CRY1: variants seen among roughly 807,000 people sequenced by gnomAD.
CRY1 encodes cryptochrome-1.
A neutral mutation model predicts 76.0 loss-of-function variants in CRY1; 45 were observed. The observed-to-expected ratio is 0.59, with a 90% CI of 0.47 to 0.76. CRY1 has a LOEUF of 0.76. Among genes scored for constraint, CRY1 ranks in the 30% least tolerant of loss-of-function variants. The pLI is 0.00. For missense variants in CRY1, 587 were observed against 716.4 expected, an observed-to-expected ratio of 0.82 and a Z score of 2.06; for synonymous variants, 248 against 244.0, an observed-to-expected ratio of 1.02 and a Z score of -0.15.
chr12:107,038,691 T>A (rs1442628633), intron 1 of CRY1, among the ~76,000 whole-genome samples: 1 of 152,204 alleles, frequency 6.6e-6, no homozygotes, highest in Non-Finnish European at 1.5e-5. Flanking sequence ...GTCCTGGACT[T>A]TCCTTTCATC....
chr12:107,080,873 G>A (rs182101155), intron 1 of CRY1, among the ~76,000 whole-genome samples: 3 of 152,146 alleles, frequency 2.0e-5, no homozygotes, highest in Non-Finnish European at 2.9e-5. Context: ...CATAGTTGCA[G>A]GAGTGGAACA....
At chr12:106,996,909 A>G (rs1952238546) in intron 10 of CRY1, among the ~76,000 whole-genome samples, 1 of 152,206 alleles carries the variant, frequency 6.6e-6, no homozygotes, top group Admixed American at 6.5e-5. Flanking sequence ...TGTACAATAA[A>G]TCTTTTGGCC....
chr12:106,995,542 T>TA lies in CRY1; in HGVS notation c.1585+1751dup, dbSNP rs1952224643. Among the ~76,000 whole-genome samples the TA allele has an allele frequency of 2.0e-5, 3 of 152,328 alleles. No individual in the cohort carries two copies. In the South Asian group the frequency reaches 6.2e-4, roughly 32 times the overall value. On this transcript the variant is annotated intron_variant, in intron 10 of 12. Transcript: ENST00000008527. ...TTTCCCTATCTTCTTAGTGACATCT[T>TA]ATGAAACTACAGTACAACAATATAA...
chr12:107,093,202 A>T lies in CRY1; in HGVS notation c.-241T>A. 3 of 454,724 alleles carry T rather than the reference A, an allele frequency of 6.6e-6. No homozygotes were observed. In the South Asian group the frequency reaches 1.5e-4, roughly 22 times the overall value. The allele number at this position is 454,724 out of a possible 1,614,324, so 28.2% of individuals were successfully genotyped here. On this transcript the variant is annotated 5_prime_UTR_variant, in exon 1 of 13. Transcript: ENST00000008527. ...GAGTCCGGGTGTGACGCCCTTTAGG[A>T]GCCCGCGCCCGCCGCAACCGCCTGG...
chr12:107,088,864 A>G (rs1056404060), intron 1 of CRY1, among the ~76,000 whole-genome samples: 5 of 152,116 alleles, frequency 3.3e-5, no homozygotes, highest in African/African-American at 1.2e-4. Context: ...CATCATCTCA[A>G]AAAGAAACCT....
chr12:107,074,842 C>T (rs925497559), intron 1 of CRY1, among the ~76,000 whole-genome samples: 1 of 152,058 alleles, frequency 6.6e-6, no homozygotes, highest in African/African-American at 2.4e-5. Flanking sequence ...TGATGAAACC[C>T]CGTCTCTAGT....
chr12:107,018,432 C>G (rs1052703022), intron 2 of CRY1, among the ~76,000 whole-genome samples: 7 of 152,006 alleles, frequency 4.6e-5, no homozygotes, highest in African/African-American at 1.7e-4. Context: ...GCTAAAAATA[C>G]AAAAATTAGC....
chr12:107,088,787 GA>G (rs1424368877), intron 1 of CRY1, among the ~76,000 whole-genome samples: 1 of 152,188 alleles, frequency 6.6e-6, no homozygotes, highest in Non-Finnish European at 1.5e-5. Flanking sequence ...CAAGAGTTCA[GA>G]ATACTGCTAA....
At chr12:106,999,520 T>G in intron 7 of CRY1, 31 bp downstream of exon 7, 1 of 1,540,808 alleles carries the variant, frequency 6.5e-7, no homozygotes, top group African/African-American at 1.4e-5. Context: ...TCCTTCAAAA[T>G]AAGGCATGCT....
chr12:107,090,972 A>G (rs1414140002), intron 1 of CRY1, among the ~76,000 whole-genome samples: 2 of 152,058 alleles, frequency 1.3e-5, no homozygotes, highest in Non-Finnish European at 2.9e-5. Flanking sequence ...ATTTTCTCAA[A>G]CAGTAACTAA....
chr12:107,081,200 G>C (rs1953321061), intron 1 of CRY1, among the ~76,000 whole-genome samples: 1 of 152,042 alleles, frequency 6.6e-6, no homozygotes, highest in Non-Finnish European at 1.5e-5. Flanking sequence ...CTTCAAATGT[G>C]TAATGAACAT....
intron 1 of CRY1, among the ~76,000 whole-genome samples, chr12:107,028,853 C>T (rs560755859): frequency 4.0e-5 from 6 of 151,668 alleles, no homozygotes; most frequent in African/African-American, 1.5e-4. Flanking sequence ...CAGGAAAGTT[C>T]AGAAAAAAAA....
intron 2 of CRY1, among the ~76,000 whole-genome samples, chr12:107,010,392 AG>A (rs1952430340): frequency 6.6e-6 from 1 of 152,194 alleles, no homozygotes; most frequent in Non-Finnish European, 1.5e-5. Context: ...AAAATTTACA[AG>A]GGCAACTCAT....
chr12:107,021,717 C>A (rs1438944523), intron 2 of CRY1, among the ~76,000 whole-genome samples: 1 of 151,830 alleles, frequency 6.6e-6, no homozygotes, highest in East Asian at 1.9e-4. Context: ...TATATACACA[C>A]ACACACACAA....
intron 1 of CRY1, among the ~76,000 whole-genome samples, chr12:107,089,720 A>G (rs1479179726): frequency 3.3e-5 from 5 of 152,250 alleles, no homozygotes. Flanking sequence ...CATATTGTAA[A>G]CAGCAGAAAA....
At chr12:107,075,162 C>A (rs1174888085) in intron 1 of CRY1, among the ~76,000 whole-genome samples, 1 of 152,120 alleles carries the variant, frequency 6.6e-6, no homozygotes, top group African/African-American at 2.4e-5. Context: ...TTCAGTTTGA[C>A]AAAAATAAAA....
At chr12:107,056,734 T>G (rs1350062628) in intron 1 of CRY1, among the ~76,000 whole-genome samples, 2 of 152,084 alleles carry the variant, frequency 1.3e-5, no homozygotes, top group Admixed American at 1.3e-4. Context: ...ACAAATAATC[T>G]TTCAAAAAAT....
rs1318140517 is a variant in CRY1 at position 107,036,274 on chromosome 12, TACC to T, written c.159-14085_159-14083del. Among the ~76,000 whole-genome samples, 6 of 152,218 alleles carry T rather than the reference TACC, an allele frequency of 3.9e-5. No homozygotes were observed. The East Asian group carries it at 1.2e-3, about 29-fold the overall frequency. ...TGGTGAATTGGATATTGGTGAACAC[TACC>T]ACATCATCCTTGACCTCTCTTTCTT... On this transcript the variant is annotated intron_variant, in intron 1 of 12. Coordinates refer to ENST00000008527, the MANE Select transcript of CRY1 (RefSeq NM_004075.5).
At chr12:107,061,645 G>C (rs1953048811) in intron 1 of CRY1, among the ~76,000 whole-genome samples, 1 of 152,072 alleles carries the variant, frequency 6.6e-6, no homozygotes, top group African/African-American at 2.4e-5. Context: ...GCCTCCCAAA[G>C]TGCTAGGATC....
Sources: allele counts gnomAD v4.1 joint callset (sites outside exome capture counted in the v4.1 genomes callset), GRCh38; gene constraint gnomAD v4.1.1; transcripts MANE v1.5; gene names NCBI Gene and HGNC (gene_info 2026-07-23, HGNC 2026-07-21).